The following SLC16A7 variants were observed in gnomAD, a reference collection of about 807,000 sequenced individuals.
SLC16A7 encodes monocarboxylate transporter 2.
SLC16A7 carries 33 observed loss-of-function variants against 34.9 expected under a neutral mutation model. That is an observed-to-expected ratio of 0.94 (90% CI 0.72 to 1.26). The LOEUF (loss-of-function observed/expected upper bound fraction) is 1.26. Ranked by LOEUF, SLC16A7 falls within the 50% of genes most tolerant of loss-of-function variation. The pLI is 0.00. For missense variants in SLC16A7, 573 were observed against 578.1 expected, an observed-to-expected ratio of 0.99 and a Z score of 0.09; for synonymous variants, 201 against 206.6, an observed-to-expected ratio of 0.97 and a Z score of 0.23.
intron 1 of SLC16A7, among the ~76,000 whole-genome samples, chr12:59,601,778 A>G (rs539682151): frequency 6.6e-6 from 1 of 152,292 alleles, no homozygotes; most frequent in African/African-American, 2.4e-5. Context: ...CTGGTTTCTT[A>G]TATCTTCACA....
At chr12:59,673,556 A>G (rs1322680807) in intron 2 of SLC16A7, among the ~76,000 whole-genome samples, 2 of 152,048 alleles carry the variant, frequency 1.3e-5, no homozygotes, top group African/African-American at 4.8e-5. Context: ...TGAGCACTTA[A>G]TTAGTATATT....
chr12:59,633,773 A>G (rs538596990), intron 1 of SLC16A7, among the ~76,000 whole-genome samples: 3 of 152,132 alleles, frequency 2.0e-5, no homozygotes, highest in Admixed American at 6.5e-5. Context: ...AGAGAGAGTC[A>G]GGGGAGGTGC....
rs1169650910 is a variant in SLC16A7, at chr12:59,653,879, A to T, written c.-129-1273A>T. 2.6e-5 allele frequency among the ~76,000 whole-genome samples: 4 copies of T among 151,702 alleles called. No individual in the cohort carries two copies. In the East Asian group the frequency reaches 7.7e-4, roughly 29 times the overall value. ...TTGGCCTTACTCATGTGATTTTTTT[A>T]TATTTTAAAAACCTTTGCACTGCAC... On this transcript the variant is annotated intron_variant, in intron 1 of 5. Transcript: ENST00000547379.
intron 1 of SLC16A7, among the ~76,000 whole-genome samples, chr12:59,634,786 A>T (rs1880342213): frequency 6.6e-6 from 1 of 152,110 alleles, no homozygotes; most frequent in Non-Finnish European, 1.5e-5. Flanking sequence ...TTTGTAAATT[A>T]AAACAATTTT....
intron 2 of SLC16A7, among the ~76,000 whole-genome samples, chr12:59,671,676 C>A (rs77196064): frequency 0.2 from 27,767 of 138,196 alleles, 2,787 homozygotes; most frequent in Non-Finnish European, 0.21. Context: ...CTCTCTCTCT[C>A]TCTATATATA....
At chr12:59,674,145 A>T (rs1431616020) in intron 2 of SLC16A7, among the ~76,000 whole-genome samples, 1 of 152,176 alleles carries the variant, frequency 6.6e-6, no homozygotes, top group Admixed American at 6.5e-5. Flanking sequence ...CATAATATTT[A>T]TGTAATATTA....
chr12:59,762,794 G>T (rs1844962960), intron 3 of SLC16A7, among the ~76,000 whole-genome samples: 1 of 150,152 alleles, frequency 6.7e-6, no homozygotes, highest in African/African-American at 2.4e-5. Flanking sequence ...ACTTGAAGCT[G>T]GTCAGCATAA....
At chr12:59,599,949 T>C (rs1354257571) in intron 1 of SLC16A7, among the ~76,000 whole-genome samples, 1 of 152,194 alleles carries the variant, frequency 6.6e-6, no homozygotes, top group African/African-American at 2.4e-5. Flanking sequence ...GGAACCTCTG[T>C]GGAGCTGCTG....
chr12:59,688,920 T>G (rs1395752222), intron 2 of SLC16A7, among the ~76,000 whole-genome samples: 1 of 151,998 alleles, frequency 6.6e-6, no homozygotes, highest in Non-Finnish European at 1.5e-5. Flanking sequence ...TTAATTTAAG[T>G]ACTGTATATA....
intron 5 of SLC16A7, among the ~76,000 whole-genome samples, chr12:59,776,663 C>T (rs188401714): frequency 9.9e-5 from 15 of 152,192 alleles, no homozygotes; most frequent in Admixed American, 7.2e-4. Context: ...ATTTTAATGA[C>T]ATCATTGACC....
At chr12:59,777,634 ATATT>A (rs1258801456) in intron 5 of SLC16A7, among the ~76,000 whole-genome samples, 1 of 151,506 alleles carries the variant, frequency 6.6e-6, no homozygotes, top group Non-Finnish European at 1.5e-5. Context: ...AATCCTTAAA[ATATT>A]TCTTTTATTA....
chr12:59,736,384 A>C (rs1592605257), intron 3 of SLC16A7, among the ~76,000 whole-genome samples: 1 of 152,180 alleles, frequency 6.6e-6, no homozygotes, highest in East Asian at 1.9e-4. Context: ...ACAAAAACAA[A>C]GTTTTTCTAA....
chr12:59,664,967 C>T (rs998444266), intron 2 of SLC16A7: 9 of 152,166 alleles, frequency 5.9e-5, no homozygotes, highest in African/African-American at 1.7e-4. Flanking sequence ...TTATACAAAT[C>T]GTATTCGTGT....
chr12:59,640,641 T>C (rs888849565), intron 1 of SLC16A7, among the ~76,000 whole-genome samples: 1 of 152,104 alleles, frequency 6.6e-6, no homozygotes, highest in Non-Finnish European at 1.5e-5. Context: ...TGCAATTGTG[T>C]AGGATTTTTT....
At chr12:59,603,673 A>T (rs1044065458) in intron 1 of SLC16A7, among the ~76,000 whole-genome samples, 1 of 152,138 alleles carries the variant, frequency 6.6e-6, no homozygotes, top group African/African-American at 2.4e-5. Context: ...ATTTGATTTT[A>T]TATAATTATT....
intron 3 of SLC16A7, among the ~76,000 whole-genome samples, chr12:59,758,266 A>T (rs1880623153): frequency 6.6e-6 from 1 of 152,138 alleles, no homozygotes; most frequent in East Asian, 1.9e-4. Flanking sequence ...AGTAAAATAA[A>T]TTTTTCAGAA....
intron 3 of SLC16A7, among the ~76,000 whole-genome samples, chr12:59,752,091 C>A (rs1331687421): frequency 1.3e-5 from 2 of 152,010 alleles, no homozygotes; most frequent in Admixed American, 6.6e-5. Flanking sequence ...GACATCCACA[C>A]CAAAAACCCA....
At chr12:59,755,360 T>C (rs958823292) in intron 3 of SLC16A7, among the ~76,000 whole-genome samples, 14 of 152,118 alleles carry the variant, frequency 9.2e-5, no homozygotes, top group African/African-American at 3.4e-4. Context: ...AAAACCCCAT[T>C]GTCTCAGCCC....
intron 3 of SLC16A7, among the ~76,000 whole-genome samples, chr12:59,740,581 A>T (rs1179819151): frequency 1.3e-5 from 2 of 152,154 alleles, no homozygotes; most frequent in Non-Finnish European, 2.9e-5. Flanking sequence ...AGAGCTATCT[A>T]TGACAAACCC....
Sources: allele counts gnomAD v4.1 joint callset (sites outside exome capture counted in the v4.1 genomes callset), GRCh38; gene constraint gnomAD v4.1.1; transcripts MANE v1.5; gene names NCBI Gene and HGNC (gene_info 2026-07-23, HGNC 2026-07-21).